RASL12: variants seen among roughly 807,000 people sequenced by gnomAD.
RASL12 encodes RAS like family 12.
Under a neutral mutation model 22.9 loss-of-function variants are expected in RASL12, and 16 were observed. The observed-to-expected ratio is 0.70, with a 90% CI of 0.47 to 1.06. The LOEUF (loss-of-function observed/expected upper bound fraction) is 1.06, where lower values mean the gene tolerates loss of function less well. Ranked by LOEUF, RASL12 falls within the 50% of genes least tolerant of loss-of-function variation. The pLI is 0.00. For missense variants in RASL12, 306 were observed against 353.1 expected, an observed-to-expected ratio of 0.87 and a Z score of 1.07; for synonymous variants, 159 against 152.2, an observed-to-expected ratio of 1.04 and a Z score of -0.33.
upstream of RASL12, chr15:65,068,077 G>GC (rs1421664833): frequency 1.4e-5 from 15 of 1,066,880 alleles, no homozygotes; most frequent in African/African-American, 1.4e-4. This position sits in a 1 kb window ranked among gnomAD's most constrained non-coding sequence, Gnocchi z 4.2. Context: ...GGGCTGCGGA[G>GC]CCCCCCGCGG....
upstream of RASL12, among the ~76,000 whole-genome samples, chr15:65,072,955 G>C (rs969622763): frequency 6.6e-6 from 1 of 152,098 alleles, no homozygotes; most frequent in African/African-American, 2.4e-5. Context: ...TGGCCAACAA[G>C]GTGAAACCCC....
At chr15:65,053,279 T>C, downstream of RASL12, 1 of 1,441,586 alleles carries the variant, frequency 6.9e-7, no homozygotes, top group South Asian at 1.5e-5. Context: ...TTTCTTTTTC[T>C]TTCTTTCTTT....
upstream of RASL12, chr15:65,068,097 A>C: frequency 9.5e-7 from 1 of 1,048,488 alleles, no homozygotes. The surrounding 1 kb of genome is among the most constrained non-coding windows in gnomAD (Gnocchi z 4.2). Context: ...GGGCGCGCTC[A>C]GCCGGCTCCT....
chr15:65,067,778 C>G lies in RASL12; in HGVS notation c.58G>C (p.Glu20Gln). Residue 20 changes from glutamate (E) to glutamine (Q), a missense_variant, in exon 1 of 5, where the codon GAG becomes CAG. Coordinates refer to ENST00000220062, the MANE Select transcript of RASL12 (RefSeq NM_016563.4). ...AGSGPQSAPLEVNLAILGRRG... is the reference protein window; with the variant it reads ...AGSGPQSAPLQVNLAILGRRG... ...CGCCCCAGGATGGCCAGGTTGACCT[C>G]GAGGGGCGCGCTCTGAGGCCCGCTG... 4 of 1,582,180 alleles carry G rather than the reference C, an allele frequency of 2.5e-6. No individual in the cohort carries two copies. Among genetic ancestry groups the G allele is most frequent in the Non-Finnish European group, 3.4e-6 (4 of 1,166,940 alleles).
At chr15:65,068,038 C>A, upstream of RASL12, 2 of 1,116,576 alleles carry the variant, frequency 1.8e-6, no homozygotes, top group Non-Finnish European at 2.2e-6. This position sits in a 1 kb window ranked among gnomAD's most constrained non-coding sequence, Gnocchi z 4.2. Context: ...CGGGCGGGGC[C>A]ACCCCAAGCG....
chr15:65,073,232 T>G (rs1289425868), intron 1 of RASL12, among the ~76,000 whole-genome samples: 5 of 152,210 alleles, frequency 3.3e-5, no homozygotes, highest in African/African-American at 1.2e-4. Flanking sequence ...TCGGAATTAT[T>G]CAAGCGTATT....
intron 2 of RASL12, 138 bp from the exon 3 acceptor site, chr15:65,059,556 T>C (rs2086777518): frequency 1.5e-6 from 1 of 679,516 alleles, no homozygotes; most frequent in Non-Finnish European, 2.7e-6. Context: ...AAGTCCTTGG[T>C]TCTCACCCAC....
chr15:65,050,043 T>G, downstream of RASL12: 1 of 1,551,736 alleles, frequency 6.4e-7, no homozygotes, highest in East Asian at 2.4e-5. Context: ...ACCCAGCCGG[T>G]ACTGTGGTAC....
chr15:65,052,477 T>C (rs1362390071), downstream of RASL12, among the ~76,000 whole-genome samples: 1 of 144,236 alleles, frequency 6.9e-6, no homozygotes, highest in African/African-American at 2.6e-5. Flanking sequence ...CTCGGCTCAC[T>C]GCAACCTCTG....
downstream of RASL12, chr15:65,049,847 A>C: frequency 8.3e-6 from 4 of 479,208 alleles, no homozygotes; most frequent in African/African-American, 2.0e-5. Context: ...GCACAGAGGG[A>C]GATCAAACTC....
intron 1 of RASL12, 106 bp downstream of exon 1, chr15:65,067,627 G>A: frequency 1.5e-6 from 2 of 1,315,582 alleles, no homozygotes; most frequent in Non-Finnish European, 2.0e-6. Flanking sequence ...GGTGAAGGAA[G>A]CTCCCCAAGC....
chr15:65,068,015 C>T, upstream of RASL12: 1 of 1,140,842 alleles, frequency 8.8e-7, no homozygotes, highest in Middle Eastern at 3.7e-4. This position sits in a 1 kb window ranked among gnomAD's most constrained non-coding sequence, Gnocchi z 4.2. Flanking sequence ...GAGGAGGGGC[C>T]GGTGGAGCCT....
chr15:65,048,017 A>G, the RASL12 span, among the ~76,000 whole-genome samples: 304 of 152,186 alleles, frequency 2.0e-3, 1 homozygote, highest in Non-Finnish European at 3.6e-3. Flanking sequence ...CATCATTACT[A>G]AAAATACAAA....
At position 65,067,857 on chromosome 15, in the gene RASL12, G is replaced by A; in HGVS notation, c.-22C>T. The A allele has an allele frequency of 6.8e-7, 1 of 1,476,072 alleles. No individual in the cohort carries two copies. Among genetic ancestry groups the A allele is most frequent in the Non-Finnish European group, 8.9e-7 (1 of 1,118,782 alleles). The allele number at this position is 1,476,072 out of a possible 1,614,324, so 91.4% of individuals were successfully genotyped here. On this transcript the variant is annotated 5_prime_UTR_variant, in exon 1 of 5. Coordinates refer to ENST00000220062, the MANE Select transcript of RASL12 (RefSeq NM_016563.4). ...ACATGGCGACGCCCTGGACGGCCAC[G>A]CAGGTCTGCGGCCGGTGGGCCCCGC...
chr15:65,051,969 C>G (rs1025313355), downstream of RASL12, among the ~76,000 whole-genome samples: 2 of 152,120 alleles, frequency 1.3e-5, no homozygotes, highest in African/African-American at 4.8e-5. Context: ...ACCTGTTCCC[C>G]CTACGACCCA....
At chr15:65,045,842 T>C in the RASL12 span, among the ~76,000 whole-genome samples, 2 of 152,256 alleles carry the variant, frequency 1.3e-5, no homozygotes, top group Non-Finnish European at 2.9e-5. Context: ...ATGCTCACTT[T>C]AGAAGCAAAC....
intron 1 of RASL12, among the ~76,000 whole-genome samples, chr15:65,075,065 C>T (rs1412149603): frequency 2.6e-5 from 4 of 152,302 alleles, no homozygotes; most frequent in South Asian, 4.1e-4. Flanking sequence ...GTGGCGCTTG[C>T]GGGCCAGCTG....
Position 65,065,485 on chromosome 15 carries a change from G to A in RASL12, c.104-212C>T, listed in dbSNP as rs141657275. On this transcript the variant is annotated intron_variant, in intron 1 of 4. Coordinates refer to ENST00000220062, the MANE Select transcript of RASL12 (RefSeq NM_016563.4). The stretch of plus-strand genomic sequence containing the variant: ...GGAGCCAAGTGCCTCTAATTGCACC[G>A]TGGGAATTTTTTTTAATGGCAAGGA... Among the ~76,000 whole-genome samples, 884 of 152,234 alleles carry A rather than the reference G, an allele frequency of 5.8e-3. 3 individuals are homozygous for A. The highest frequency in any genetic ancestry group is 8.7e-3 in the Non-Finnish European group (591 of 68,030).
At chr15:65,069,536 A>G (rs2086916431), upstream of RASL12, among the ~76,000 whole-genome samples, 1 of 152,218 alleles carries the variant, frequency 6.6e-6, no homozygotes, top group Admixed American at 6.5e-5. Flanking sequence ...AAGCTCTGCT[A>G]CTTCTCAGCT....
Sources: gnomAD v4.1 joint callset for allele counts (sites outside exome capture counted in the v4.1 genomes callset) on GRCh38, gnomAD v4.1.1 for gene constraint, Gnocchi (gnomAD v3.1) non-coding constraint, MANE v1.5 for transcripts, NCBI Gene and HGNC (gene_info 2026-07-23, HGNC 2026-07-21) for gene names.